Variants in JMJD1C observed in about 807,000 individuals in gnomAD.
JMJD1C encodes the protein jumonji domain containing 1C, also known as jumonji domain-containing protein 1C.
JMJD1C carries 31 observed loss-of-function variants against 245.3 expected under a neutral mutation model. The observed-to-expected ratio is 0.13, with a 90% CI of 0.09 to 0.17. JMJD1C has a LOEUF of 0.17. Ranked by LOEUF, JMJD1C falls within the 10% of genes least tolerant of loss-of-function variation. JMJD1C has a pLI of 1.00. For missense variants in JMJD1C, 2,691 were observed against 3,000.2 expected (o/e 0.90, Z 2.41); for synonymous variants, 1,057 against 1,017.4 (o/e 1.04, Z -0.74).
At chr10:63,181,131 G>C (rs944842495) in intron 22 of JMJD1C, among the ~76,000 whole-genome samples, 1 of 152,094 alleles carries the variant, frequency 6.6e-6, no homozygotes, top group Non-Finnish European at 1.5e-5. Flanking sequence ...CTCCCAAAGT[G>C]TTGGGATTAC....
intron 2 of JMJD1C, among the ~76,000 whole-genome samples, chr10:63,349,579 T>C (rs898536768): frequency 3.9e-5 from 6 of 152,236 alleles, no homozygotes; most frequent in Non-Finnish European, 7.3e-5. Flanking sequence ...ATGTTGAAAC[T>C]TTTTATAAAA....
At chr10:63,440,353 A>ATAT (rs1554937971) in intron 1 of JMJD1C, among the ~76,000 whole-genome samples, 26,352 of 118,874 alleles carry the variant, frequency 0.22, 3,098 homozygotes, top group Non-Finnish European at 0.27. Context: ...AAAAAAAAAA[A>ATAT]ATATATATAT....
At chr10:63,382,791 C>T (rs564681155) in intron 1 of JMJD1C, 1 of 455,872 alleles carries the variant, frequency 2.2e-6, no homozygotes, top group South Asian at 1.5e-5. Context: ...CCATCTTCTG[C>T]TCCCTTACAC....
intron 1 of JMJD1C, among the ~76,000 whole-genome samples, chr10:63,391,548 C>T (rs1948062341): frequency 1.3e-5 from 2 of 150,194 alleles, no homozygotes; most frequent in Non-Finnish European, 3.0e-5. Context: ...ACAAAAAAGA[C>T]AATTCCATTT....
chr10:63,214,669 C>T lies in JMJD1C; in HGVS notation c.1498G>A (p.Val500Ile). The T allele has an allele frequency of 6.2e-7, 1 of 1,613,960 alleles. No individual in the cohort carries two copies. The highest frequency in any genetic ancestry group is 8.5e-7 in the Non-Finnish European group (1 of 1,179,910). ...CATTTTGGTGTGGGTGGTCTGGATA[C>T]AAACTTCTCCTTTGGTAGCAATTCC... ...TMELLPKEKF[V>I]SRPPTPKCVI... The change falls in exon 8 of 26, where the codon GTA (valine) becomes ATA (isoleucine). Residue 500 changes from valine (V) to isoleucine (I), a missense_variant. Transcript: ENST00000399262.
At chr10:63,193,655 T>G in intron 14 of JMJD1C, 183 bp from the exon 15 acceptor site, 1 of 474,026 alleles carries the variant, frequency 2.1e-6, no homozygotes, top group Non-Finnish European at 3.6e-6. Flanking sequence ...CAACCAAATT[T>G]ATGTTTTTTT....
chr10:63,183,230 G>A (rs1203762124), intron 22 of JMJD1C, among the ~76,000 whole-genome samples: 1 of 152,122 alleles, frequency 6.6e-6, no homozygotes, highest in Non-Finnish European at 1.5e-5. Flanking sequence ...TAGAAAAGAA[G>A]TTAAAATATT....
intron 2 of JMJD1C, chr10:63,301,949 G>A: frequency 3.7e-6 from 1 of 267,854 alleles, no homozygotes; most frequent in South Asian, 3.1e-5. Context: ...AGTACATACA[G>A]AACTACTTCA....
Position 63,295,959 on chromosome 10 carries a change from ATGTGTGTGTGTGTGTGTGTG to A in JMJD1C, c.334-31215_334-31196del, listed in dbSNP as rs370590868. Among the ~76,000 whole-genome samples, 631 of 89,766 alleles carry A rather than the reference ATGTGTGTGTGTGTGTGTGTG, an allele frequency of 7.0e-3. 35 individuals carry two copies. The highest frequency in any genetic ancestry group is 0.027 in the East Asian group (87 of 3,260). 58.9% of individuals were successfully genotyped at this position (89,766 alleles called of 152,430 possible). A position where few individuals can be genotyped will look rare whatever the true frequency, so the allele number is the denominator to read the frequency against. ...TATACATATATATATATACACGTAT[ATGTGTGTGTGTGTGTGTGTG>A]TGTGTGTGTGTGTGTGTGTGTGTGT... On this transcript the variant is annotated intron_variant, in intron 2 of 25. Coordinates refer to ENST00000399262, the MANE Select transcript of JMJD1C (RefSeq NM_032776.3).
intron 2 of JMJD1C, among the ~76,000 whole-genome samples, chr10:63,301,375 T>C (rs762299984): frequency 2.0e-5 from 3 of 152,038 alleles, no homozygotes; most frequent in Non-Finnish European, 2.9e-5. Context: ...TGAAGAAAAA[T>C]CCCAATTACC....
At chr10:63,325,433 G>A (rs1330911926) in intron 2 of JMJD1C, among the ~76,000 whole-genome samples, 4 of 151,996 alleles carry the variant, frequency 2.6e-5, no homozygotes, top group South Asian at 2.1e-4. Flanking sequence ...CTCAATCTCC[G>A]CGCTCAATCA....
chr10:63,520,062 C>T (rs1187857927), intron 1 of JMJD1C, among the ~76,000 whole-genome samples: 2 of 152,070 alleles, frequency 1.3e-5, no homozygotes, highest in African/African-American at 4.8e-5. Context: ...AATTAATAAG[C>T]GAAAAGAACC....
intron 1 of JMJD1C, among the ~76,000 whole-genome samples, chr10:63,445,860 GAAT>G (rs1011675564): frequency 4.4e-5 from 5 of 112,928 alleles, no homozygotes; most frequent in African/African-American, 1.7e-4. Flanking sequence ...GCTGGGATCT[GAAT>G]TTTTTTTTTT....
intron 2 of JMJD1C, among the ~76,000 whole-genome samples, chr10:63,348,669 T>C (rs1385341703): frequency 6.6e-6 from 1 of 152,156 alleles, no homozygotes; most frequent in Non-Finnish European, 1.5e-5. Context: ...CCAAATCTCA[T>C]ATTGAAATTT....
intron 1 of JMJD1C, among the ~76,000 whole-genome samples, chr10:63,401,930 T>C (rs1948881186): frequency 6.6e-6 from 1 of 151,520 alleles, no homozygotes; most frequent in African/African-American, 2.4e-5. Flanking sequence ...AGGTCGGGAG[T>C]TCGAGATCAG....
At chr10:63,355,145 T>C (rs1300464421) in intron 2 of JMJD1C, among the ~76,000 whole-genome samples, 1 of 152,092 alleles carries the variant, frequency 6.6e-6, no homozygotes, top group East Asian at 1.9e-4. Context: ...TGCTGCCATG[T>C]TCCAACTTAT....
chr10:63,310,355 C>T (rs933289146), intron 2 of JMJD1C, among the ~76,000 whole-genome samples: 14 of 152,168 alleles, frequency 9.2e-5, no homozygotes, highest in African/African-American at 2.9e-4. Flanking sequence ...AAAATGGGAA[C>T]GCTTGCCTTG....
chr10:63,311,616 A>C (rs770101356), intron 2 of JMJD1C, among the ~76,000 whole-genome samples: 2 of 152,254 alleles, frequency 1.3e-5, no homozygotes, highest in Non-Finnish European at 2.9e-5. Context: ...CGAAATCATG[A>C]AAGCAAGTAA....
chr10:63,174,663 A>G (rs1249636223), intron 24 of JMJD1C, among the ~76,000 whole-genome samples: 1 of 152,050 alleles, frequency 6.6e-6, no homozygotes, highest in African/African-American at 2.4e-5. Context: ...GAAAAACCCC[A>G]TCTCTACTAA....
Sources: allele counts gnomAD v4.1 joint callset (sites outside exome capture counted in the v4.1 genomes callset), GRCh38; gene constraint gnomAD v4.1.1; transcripts MANE v1.5; gene names NCBI Gene and HGNC (gene_info 2026-07-23, HGNC 2026-07-21).